Variants in CYREN observed in about 807,000 individuals in gnomAD.
CYREN encodes cell cycle regulator of NHEJ.
In CYREN, 7 loss-of-function variants were observed where a neutral mutation model predicts 9.7. The ratio of observed to expected loss-of-function variants is 0.72; its 90% CI spans 0.41 to 1.36. The LOEUF is 1.36. Among genes scored for constraint, CYREN ranks in the 40% most tolerant of loss-of-function variants. The pLI is 0.01. For synonymous variants in CYREN, 76 were observed against 77.9 expected (o/e 0.98, Z 0.13); for missense variants, 215 against 198.1 (o/e 1.09, Z -0.51).
At chr7:135,144,033 G>A (rs932999764) in intron 2 of CYREN, among the ~76,000 whole-genome samples, 6 of 152,136 alleles carry the variant, frequency 3.9e-5, no homozygotes, top group African/African-American at 1.4e-4. Flanking sequence ...AAGGCTGCCA[G>A]CGTTTCTCAT....
intron 2 of CYREN, among the ~76,000 whole-genome samples, chr7:135,127,933 C>A (rs1362534742): frequency 6.6e-6 from 1 of 152,128 alleles, no homozygotes; most frequent in African/African-American, 2.4e-5. Flanking sequence ...CCCAAATACC[C>A]ATCAGTGATA....
intron 2 of CYREN, among the ~76,000 whole-genome samples, chr7:135,146,298 C>T (rs1377168449): frequency 6.6e-6 from 1 of 152,148 alleles, no homozygotes; most frequent in East Asian, 1.9e-4. Context: ...AGTTCACCGT[C>T]ATATGGGTGC....
In CYREN at chr7:135,160,117, T is replaced by C. The variant is rs73153792; in HGVS notation, n.356+8632A>G. ...ACAAAGTGGGATACAAACATATATATTTATGTAATCCCAACAGTGTAAAAC... is the reference window on the plus strand; with the variant it reads ...ACAAAGTGGGATACAAACATATATACTTATGTAATCCCAACAGTGTAAAAC... On this transcript the variant is annotated intron_variant and non_coding_transcript_variant, in intron 2 of 2. Transcript: ENST00000459937. 4.1e-3 allele frequency among the ~76,000 whole-genome samples: 619 copies of C among 152,356 alleles called. 2 individuals carry two copies. The highest frequency in any genetic ancestry group is 7.5e-3 in the Non-Finnish European group (512 of 68,028).
At position 135,166,598 on chromosome 7, in the gene CYREN, C is replaced by A; in HGVS notation, c.*13G>T. The A allele has an allele frequency of 6.4e-7, 1 of 1,571,364 alleles. No homozygotes were observed. Among genetic ancestry groups the A allele is most frequent in the Non-Finnish European group, 8.6e-7 (1 of 1,162,960 alleles). ...GCTGCTCTCGGCAGACAGTTCAGTG[C>A]ACAGTTTATGCCCTAGCTGAAAAAG... On this transcript the variant is annotated 3_prime_UTR_variant, in exon 4 of 4. Coordinates refer to ENST00000393114, the MANE Select transcript of CYREN (RefSeq NM_024033.4).
At chr7:135,120,366 T>G (rs1206035990) in intron 2 of CYREN, among the ~76,000 whole-genome samples, 2 of 152,172 alleles carry the variant, frequency 1.3e-5, no homozygotes, top group Admixed American at 6.5e-5. Context: ...GGTTTGTACT[T>G]CACTCAAATT....
intron 2 of CYREN, chr7:135,135,358 T>A: frequency 2.6e-6 from 3 of 1,150,418 alleles, no homozygotes; most frequent in Non-Finnish European, 2.3e-6. Context: ...CCCCTTTCCC[T>A]ATCTCTCCCC....
At chr7:135,153,615 C>T (rs138238693) in intron 2 of CYREN, among the ~76,000 whole-genome samples, 65 of 152,292 alleles carry the variant, frequency 4.3e-4, no homozygotes, top group African/African-American at 1.5e-3. Flanking sequence ...TGAAAAACCA[C>T]GCAATCCAGC....
chr7:135,166,564 T>C lies in CYREN; in HGVS notation c.*47A>G, dbSNP rs376595268. 15 of 1,527,166 alleles carry C rather than the reference T, an allele frequency of 9.8e-6. No individual in the cohort carries two copies. Among genetic ancestry groups the C allele is most frequent in the African/African-American group, 9.5e-5 (7 of 73,358 alleles). The allele number at this position is 1,527,166 out of a possible 1,614,324, so 94.6% of individuals were successfully genotyped here. A position where few individuals can be genotyped will look rare whatever the true frequency, so the allele number is the denominator to read the frequency against. On this transcript the variant is annotated 3_prime_UTR_variant, in exon 4 of 4. Transcript: ENST00000393114. ...CCAGCAGCACCAGTGGAAGCTCAGC[T>C]GTCCTCCAGCTGCTCTCGGCAGACA... is the stretch of plus-strand genomic sequence containing the variant.
chr7:135,146,760 A>C (rs532435572), intron 2 of CYREN, among the ~76,000 whole-genome samples: 2 of 152,340 alleles, frequency 1.3e-5, no homozygotes, highest in East Asian at 3.9e-4. Flanking sequence ...TGTTATTTAG[A>C]GAACTGAGGT....
intron 2 of CYREN, among the ~76,000 whole-genome samples, chr7:135,158,868 T>C (rs1455965868): frequency 6.6e-6 from 1 of 152,184 alleles, no homozygotes; most frequent in Non-Finnish European, 1.5e-5. Context: ...GTATCTAGGC[T>C]CTCAAAATGG....
intron 2 of CYREN, chr7:135,148,361 T>C: frequency 3.0e-6 from 1 of 335,508 alleles, no homozygotes; most frequent in Non-Finnish European, 5.8e-6. Context: ...TTTCATGTTC[T>C]GGCAATCCAC....
intron 2 of CYREN, among the ~76,000 whole-genome samples, chr7:135,105,284 G>A (rs1025587508): frequency 2.6e-5 from 4 of 152,036 alleles, no homozygotes; most frequent in Admixed American, 1.3e-4. Context: ...TGGCCAGGCT[G>A]GTCTTGAACT....
intron 2 of CYREN, chr7:135,135,041 AGAAT>A (rs1029883211): frequency 6.4e-7 from 1 of 1,551,280 alleles, no homozygotes; most frequent in Non-Finnish European, 8.7e-7. Flanking sequence ...TGGGCCATAA[AGAAT>A]GAAGACATAA....
intron 2 of CYREN, among the ~76,000 whole-genome samples, chr7:135,134,197 T>G (rs576857014): frequency 6.6e-6 from 1 of 152,198 alleles, no homozygotes; most frequent in South Asian, 2.1e-4. Context: ...CAAGCTATTT[T>G]GGGGAAATTG....
chr7:135,168,421 C>A (rs1427340121), intron 2 of CYREN: 2 of 252,612 alleles, frequency 7.9e-6, no homozygotes, highest in East Asian at 1.9e-4. Flanking sequence ...GGGGCAGGCA[C>A]CACTCAGAAC....
intron 2 of CYREN, among the ~76,000 whole-genome samples, chr7:135,157,970 G>A (rs1204784569): frequency 2.0e-5 from 3 of 151,878 alleles, no homozygotes; most frequent in Non-Finnish European, 4.4e-5. Context: ...GCTGTAGGGA[G>A]GGTGGTCTAC....
intron 2 of CYREN, among the ~76,000 whole-genome samples, chr7:135,112,232 T>C (rs1305448294): frequency 6.6e-6 from 1 of 152,236 alleles, no homozygotes; most frequent in East Asian, 1.9e-4. Flanking sequence ...TGCCTTGTGT[T>C]TCACTTTTCT....
intron 2 of CYREN, 122 bp downstream of exon 2, chr7:135,168,664 A>T: frequency 1.4e-6 from 2 of 1,415,312 alleles, no homozygotes; most frequent in South Asian, 1.4e-5. Flanking sequence ...TCAAGAGATG[A>T]TCAGACTGAA....
At chr7:135,095,871 G>T (rs1822591306) in intron 2 of CYREN, among the ~76,000 whole-genome samples, 1 of 152,128 alleles carries the variant, frequency 6.6e-6, no homozygotes. Context: ...TCATCTTTGG[G>T]CAGGACACAG....
Sources: gnomAD v4.1 joint callset for allele counts (sites outside exome capture counted in the v4.1 genomes callset) on GRCh38, gnomAD v4.1.1 for gene constraint, MANE v1.5 for transcripts, NCBI Gene and HGNC (gene_info 2026-07-23, HGNC 2026-07-21) for gene names.